The following C2CD3 variants were observed in gnomAD, a reference collection of about 807,000 sequenced individuals.
C2CD3 encodes C2 domain containing 3 centriole elongation regulator, also known as C2 domain-containing protein 3.
Under a neutral mutation model 234.0 loss-of-function variants are expected in C2CD3, and 148 were observed. That is an observed-to-expected ratio of 0.63 (90% CI 0.55 to 0.72). The LOEUF is 0.72. Among genes scored for constraint, C2CD3 ranks in the 30% least tolerant of loss-of-function variants. The pLI, the probability that C2CD3 is intolerant of heterozygous loss-of-function variation, is 0.00. For missense variants in C2CD3, 2,577 were observed against 2,811.5 expected, an observed-to-expected ratio of 0.92 and a Z score of 1.89; for synonymous variants, 1,000 against 1,035.4, an observed-to-expected ratio of 0.97 and a Z score of 0.66.
intron 30 of C2CD3, 47 bp from the exon 31 acceptor site, chr11:74,034,325 C>A: frequency 6.7e-7 from 1 of 1,496,700 alleles, no homozygotes; most frequent in Non-Finnish European, 8.9e-7. Context: ...GGGCCACAGA[C>A]CCCTCAAATT....
chr11:74,033,341 CA>C lies in C2CD3; in HGVS notation c.6809+9del. The C allele has an allele frequency of 6.5e-7, 1 of 1,533,576 alleles. No homozygotes were observed. Among genetic ancestry groups the C allele is most frequent in the Non-Finnish European group, 8.7e-7 (1 of 1,145,314 alleles). 95.0% of individuals were successfully genotyped at this position (1,533,576 alleles called of 1,614,324 possible). A position where few individuals can be genotyped will look rare whatever the true frequency, so the allele number is the denominator to read the frequency against. Reference sequence around the variant, plus strand: ...CATCCAAACCACTTGTGGGAAATGCCAAAGGATACAGCAGGAGGCTCTGCTT... The same window carrying C: ...CATCCAAACCACTTGTGGGAAATGCCAAGGATACAGCAGGAGGCTCTGCTT... On this transcript the variant is annotated intron_variant, in intron 31 of 32. Transcript: ENST00000334126.
chr11:74,066,654 C>CT (rs5792643), intron 24 of C2CD3, among the ~76,000 whole-genome samples: 84,538 of 148,578 alleles, frequency 0.57, 24,474 homozygotes, highest in African/African-American at 0.73. Context: ...TAGACCAATT[C>CT]TTTTTTTTTT....
chr11:74,170,738 C>T lies in C2CD3; in HGVS notation c.55G>A (p.Gly19Ser). The T allele has an allele frequency of 6.2e-7, 1 of 1,614,204 alleles. No individual in the cohort carries two copies. The highest frequency in any genetic ancestry group is 8.5e-7 in the Non-Finnish European group (1 of 1,180,030). Residue 19 changes from glycine to serine, a missense_variant and splice_region_variant, in exon 1 of 33, where the codon GGT becomes AGT. Gly to Ser is a moderately conservative substitution (Grantham distance 56, BLOSUM62 0). Transcript: ENST00000334126. ...CTCAATCTTTGATCGCTCAGGTTAC[C>T]TCTTTTTTTGCGCCCACGGCTGCCC... ...SGGSRGRKKRGLSDISPSTSL... is the reference protein window; with the variant it reads ...SGGSRGRKKRSLSDISPSTSL...
rs184175336 is a variant in C2CD3, at chr11:74,026,200, C to T, written c.6921+2087G>A. On this transcript the variant is annotated intron_variant, in intron 32 of 32. Coordinates refer to ENST00000334126, the MANE Select transcript of C2CD3 (RefSeq NM_001286577.2). Reference sequence around the variant, plus strand: ...GTGCACACCTGTGGTCCTAGCTACTCGAGAGGCTGAGGCAGAGGATCACTT... The same window carrying T: ...GTGCACACCTGTGGTCCTAGCTACTTGAGAGGCTGAGGCAGAGGATCACTT... Among the ~76,000 whole-genome samples the T allele has an allele frequency of 3.2e-3, 494 of 152,010 alleles. 3 individuals are homozygous for T. The Middle Eastern group carries it at 0.034, about 10-fold the overall frequency.
chr11:74,108,890 T>C (rs1279082594), intron 12 of C2CD3, 144 bp downstream of exon 12: 1 of 287,088 alleles, frequency 3.5e-6, no homozygotes, highest in Non-Finnish European at 6.5e-6. Context: ...ATAATAATGA[T>C]AATAATAATA....
intron 24 of C2CD3, among the ~76,000 whole-genome samples, chr11:74,065,148 T>C (rs535444402): frequency 2.4e-4 from 37 of 152,114 alleles, no homozygotes; most frequent in African/African-American, 8.7e-4. Flanking sequence ...GGGAGAAAAT[T>C]TTTACAATCT....
chr11:74,129,440 C>CGGCG (rs1285865371), intron 7 of C2CD3: 8 of 154,250 alleles, frequency 5.2e-5, no homozygotes, highest in Non-Finnish European at 6.6e-5. Context: ...CCAGACGGGG[C>CGGCG]GGCGGGGCAG....
intron 24 of C2CD3, among the ~76,000 whole-genome samples, chr11:74,068,364 ATC>A (rs1328301170): frequency 6.6e-6 from 1 of 152,188 alleles, no homozygotes; most frequent in African/African-American, 2.4e-5. Flanking sequence ...TTGTATAATA[ATC>A]TGTGTTTCCC....
At chr11:74,027,902 ATAT>A (rs1952369413) in intron 32 of C2CD3, among the ~76,000 whole-genome samples, 1 of 152,116 alleles carries the variant, frequency 6.6e-6, no homozygotes, top group Admixed American at 6.5e-5. Context: ...TGTACGACTG[ATAT>A]TATTCTCCTC....
intron 7 of C2CD3, 147 bp downstream of exon 7, chr11:74,132,697 T>C (rs1957714269): frequency 2.8e-6 from 2 of 719,002 alleles, no homozygotes; most frequent in African/African-American, 3.6e-5. Context: ...GAGTTTTATT[T>C]AGTAGGCAAT....
At chr11:74,077,784 T>C (rs1167929966) in intron 23 of C2CD3, among the ~76,000 whole-genome samples, 1 of 972 alleles carries the variant, frequency 1.0e-3, no homozygotes. Context: ...TATATATATA[T>C]ATATATATAT....
intron 28 of C2CD3, among the ~76,000 whole-genome samples, chr11:74,046,594 A>G (rs1242795027): frequency 2.0e-5 from 3 of 152,170 alleles, no homozygotes; most frequent in Non-Finnish European, 4.4e-5. Flanking sequence ...CTCCTAAAGC[A>G]CTGAGATTAA....
intron 26 of C2CD3, among the ~76,000 whole-genome samples, chr11:74,052,862 T>G (rs1423041232): frequency 1.3e-5 from 2 of 152,200 alleles, no homozygotes; most frequent in African/African-American, 4.8e-5. Context: ...GGGTTTGAGG[T>G]TAGCTCCAAA....
chr11:74,028,963 T>G (rs1952416022), intron 31 of C2CD3, among the ~76,000 whole-genome samples: 1 of 152,232 alleles, frequency 6.6e-6, no homozygotes, highest in Non-Finnish European at 1.5e-5. Context: ...AAGGAGGGCC[T>G]GCTTGCCTAT....
chr11:74,037,916 G>A (rs1952819673), intron 29 of C2CD3, among the ~76,000 whole-genome samples: 1 of 152,106 alleles, frequency 6.6e-6, no homozygotes, highest in Non-Finnish European at 1.5e-5. Flanking sequence ...CCTTTTGTCT[G>A]TCTAATGCGA....
intron 16 of C2CD3, among the ~76,000 whole-genome samples, chr11:74,095,752 T>A (rs1356553323): frequency 6.6e-6 from 1 of 152,252 alleles, no homozygotes; most frequent in Non-Finnish European, 1.5e-5. Context: ...AATAGAAGGC[T>A]GTTCCCTTCA....
chr11:74,054,634 G>A lies in C2CD3; in HGVS notation c.5128C>T (p.Leu1710=), dbSNP rs1245036645. 20 of 1,612,012 alleles carry A rather than the reference G, an allele frequency of 1.2e-5. No homozygotes were observed. Among genetic ancestry groups the A allele is most frequent in the Non-Finnish European group, 1.6e-5 (19 of 1,179,072 alleles). The part of the protein sequence containing the change: ...KELLLDPQQT[L]VFKVWHKGDE... ...CCTTTATGCCAAACTTTGAAGACCA[G>A]GGTTTGTTGTGGGTCCAGAAGCAGC... The change falls in exon 26 of 33, where the codon CTG becomes TTG. Residue 1710 remains leucine, a synonymous_variant. Transcript: ENST00000334126.
chr11:74,114,350 T>C (rs1376794883), intron 10 of C2CD3, 34 bp downstream of exon 10: 6 of 1,478,972 alleles, frequency 4.1e-6, no homozygotes, highest in Non-Finnish European at 5.6e-6. Context: ...TTTCCAAAAA[T>C]GTCAAATTTA....
chr11:74,112,571 G>C (rs1316536165), intron 11 of C2CD3, among the ~76,000 whole-genome samples: 2 of 152,136 alleles, frequency 1.3e-5, no homozygotes, highest in Non-Finnish European at 2.9e-5. Flanking sequence ...TAAGGGGCTT[G>C]TATCTAGGAT....
Sources: gnomAD v4.1 joint callset for allele counts (sites outside exome capture counted in the v4.1 genomes callset) on GRCh38, gnomAD v4.1.1 for gene constraint, MANE v1.5 for transcripts, NCBI Gene and HGNC (gene_info 2026-07-23, HGNC 2026-07-21) for gene names.